CPHXL2: variants seen among roughly 807,000 people sequenced by gnomAD.
The protein encoded by CPHXL2 is cytoplasmic polyadenylated homeobox-like protein 2.
chr16:75,670,451 T>G, the CPHXL2 span, among the ~76,000 whole-genome samples: 1 of 152,172 alleles, frequency 6.6e-6, no homozygotes, highest in African/African-American at 2.4e-5. Context: ...ATTTGTTAAA[T>G]TAAACATGTG....
the CPHXL2 span, among the ~76,000 whole-genome samples, chr16:75,675,549 T>C: frequency 1.3e-4 from 19 of 151,818 alleles, 1 homozygote; most frequent in Admixed American, 8.5e-4. Context: ...GAAGAAAAAA[T>C]GTTTGGAAGT....
chr16:75,673,720 G>C, the CPHXL2 span, among the ~76,000 whole-genome samples: 1 of 152,010 alleles, frequency 6.6e-6, no homozygotes, highest in Non-Finnish European at 1.5e-5. Flanking sequence ...GCTCACAACT[G>C]TAATCCCAGC....
chr16:75,664,453 C>T, the CPHXL2 span, among the ~76,000 whole-genome samples: 1 of 151,932 alleles, frequency 6.6e-6, no homozygotes, highest in African/African-American at 2.4e-5. Flanking sequence ...TGGAGAAACC[C>T]CGTATTTACT....
chr16:75,671,275 G>T, the CPHXL2 span, among the ~76,000 whole-genome samples: 3 of 150,624 alleles, frequency 2.0e-5, no homozygotes, highest in Non-Finnish European at 4.4e-5. Context: ...TGGGAGCATC[G>T]CTTGAGCCTG....
the CPHXL2 span, among the ~76,000 whole-genome samples, chr16:75,664,178 A>G: frequency 1.3e-5 from 2 of 152,294 alleles, no homozygotes; most frequent in East Asian, 3.9e-4. Context: ...CTGATGCCTT[A>G]TGTCTGCCTA....
At chr16:75,662,443 T>G in the CPHXL2 span, among the ~76,000 whole-genome samples, 1 of 151,760 alleles carries the variant, frequency 6.6e-6, no homozygotes, top group Non-Finnish European at 1.5e-5. Context: ...TCCCAGAAGT[T>G]GGAGGGTGGG....
chr16:75,669,510 CTTTG>C, the CPHXL2 span: 71 of 398,826 alleles, frequency 1.8e-4, no homozygotes, highest in African/African-American at 1.0e-3. Context: ...TTCTTTTTTT[CTTTG>C]TTTGTCTTTC....
At chr16:75,660,230 C>T in the CPHXL2 span, 1 of 398,072 alleles carries the variant, frequency 2.5e-6, no homozygotes, top group East Asian at 3.6e-5. Context: ...GTGGGCTTGA[C>T]CTGTGGCTAT....
chr16:75,669,152 C>CA, the CPHXL2 span, among the ~76,000 whole-genome samples: 4 of 151,822 alleles, frequency 2.6e-5, no homozygotes, highest in Non-Finnish European at 4.4e-5. Context: ...CCCATCTTTA[C>CA]AAAAAATACA....
chr16:75,664,647 G>A, the CPHXL2 span, among the ~76,000 whole-genome samples: 59,989 of 141,058 alleles, frequency 0.43, 15,841 homozygotes, highest in East Asian at 0.85. Flanking sequence ...AAAAAAGAAA[G>A]AAAGAAAAAC....
chr16:75,660,559 C>T, the CPHXL2 span: 1 of 398,650 alleles, frequency 2.5e-6, no homozygotes, highest in Non-Finnish European at 4.4e-6. Context: ...ATCATCCCCT[C>T]TGAGTAATTC....
the CPHXL2 span, among the ~76,000 whole-genome samples, chr16:75,669,124 G>A: frequency 2.6e-5 from 4 of 152,086 alleles, no homozygotes; most frequent in South Asian, 4.2e-4. Context: ...ACACCAGCCC[G>A]GGCAACATGG....
At chr16:75,668,075 A>T in the CPHXL2 span, among the ~76,000 whole-genome samples, 1 of 152,028 alleles carries the variant, frequency 6.6e-6, no homozygotes, top group Admixed American at 6.6e-5. Context: ...CAACTCATCC[A>T]CTGCTTCCAA....
At chr16:75,674,234 G>A in the CPHXL2 span, among the ~76,000 whole-genome samples, 545 of 151,364 alleles carry the variant, frequency 3.6e-3, 2 homozygotes, top group African/African-American at 0.012. Flanking sequence ...TTAGCCGGGT[G>A]TGGTGGCAGG....
chr16:75,668,382 C>G, the CPHXL2 span, among the ~76,000 whole-genome samples: 1 of 152,010 alleles, frequency 6.6e-6, no homozygotes, highest in Admixed American at 6.6e-5. Flanking sequence ...GCACGCACCA[C>G]CACTCCCGGC....
the CPHXL2 span, among the ~76,000 whole-genome samples, chr16:75,671,799 A>T: frequency 6.6e-6 from 1 of 152,262 alleles, no homozygotes; most frequent in Non-Finnish European, 1.5e-5. Context: ...AGCAAGGAAG[A>T]CACTACGAAT....
chr16:75,666,445 C>T, the CPHXL2 span, among the ~76,000 whole-genome samples: 2 of 151,818 alleles, frequency 1.3e-5, no homozygotes, highest in African/African-American at 4.8e-5. Context: ...TAAGTCTCTA[C>T]TGAAAACACA....
At chr16:75,660,387 A>G in the CPHXL2 span, 1 of 398,742 alleles carries the variant, frequency 2.5e-6, no homozygotes, top group East Asian at 3.6e-5. Context: ...CAGAGGCAGC[A>G]GGGGTGAGTT....
At chr16:75,662,836 T>A in the CPHXL2 span, among the ~76,000 whole-genome samples, 1,749 of 149,646 alleles carry the variant, frequency 0.012, 46 homozygotes, top group African/African-American at 0.04. Flanking sequence ...TCTCGCTCTG[T>A]CGTCCAGGCT....
Sources: allele counts gnomAD v4.1 joint callset (sites outside exome capture counted in the v4.1 genomes callset), GRCh38; gene constraint gnomAD v4.1.1; transcripts MANE v1.5; gene names NCBI Gene and HGNC (gene_info 2026-07-23, HGNC 2026-07-21).